The following FRAS1 variants were observed in gnomAD, a reference collection of about 807,000 sequenced individuals.
The protein encoded by FRAS1 is extracellular matrix organizing protein FRAS1.
A neutral mutation model predicts 435.2 loss-of-function variants in FRAS1; 290 were observed. The ratio of observed to expected loss-of-function variants is 0.67; its 90% CI spans 0.61 to 0.73. FRAS1 has a LOEUF of 0.73. Among genes scored for constraint, FRAS1 ranks in the 30% least tolerant of loss-of-function variants. The pLI is 0.00. For synonymous variants in FRAS1, 1,800 were observed against 1,851.0 expected (o/e 0.97, Z 0.71); for missense variants, 4,860 against 5,001.5 (o/e 0.97, Z 0.85).
At chr4:78,130,158 C>T (rs1004299335) in intron 2 of FRAS1, among the ~76,000 whole-genome samples, 11 of 150,144 alleles carry the variant, frequency 7.3e-5, no homozygotes, top group African/African-American at 2.7e-4. Context: ...ACTTCTGTGA[C>T]TGCATGTAAT....
chr4:78,262,871 A>T (rs1247481857), intron 6 of FRAS1, among the ~76,000 whole-genome samples: 4 of 149,156 alleles, frequency 2.7e-5, no homozygotes, highest in African/African-American at 9.9e-5. Context: ...AGAACCAGAT[A>T]ACAAACATTT....
chr4:78,537,043 A>T lies in FRAS1; in HGVS notation c.11141A>T (p.Asn3714Ile), dbSNP rs767460687. 3.1e-6 allele frequency: 5 copies of T among 1,613,876 alleles called. No homozygotes were observed. In the Admixed American group the frequency reaches 6.7e-5, roughly 22 times the overall value. Residue 3714 changes from asparagine (N) to isoleucine (I), a missense_variant, in exon 72 of 74, where the codon AAT becomes ATT. By Grantham distance (149) the Asn-to-Ile change is moderately radical. Transcript: ENST00000512123. ...RVLWNPEQNL[N>I]SAYKLQLEKV... is the part of the protein sequence containing the mutation. ...CTTTGGAATCCAGAACAAAATCTTA[A>T]TTCTGCTTACAAACTCCAGCTGGAG... is the stretch of plus-strand genomic sequence containing the variant.
At chr4:78,097,118 G>A (rs1208854210) in intron 2 of FRAS1, among the ~76,000 whole-genome samples, 3 of 152,120 alleles carry the variant, frequency 2.0e-5, no homozygotes, top group African/African-American at 7.2e-5. Flanking sequence ...CAAATCTCTA[G>A]GGCAAGGGCA....
intron 33 of FRAS1, among the ~76,000 whole-genome samples, chr4:78,421,306 C>T (rs1396437809): frequency 6.6e-6 from 1 of 152,044 alleles, no homozygotes; most frequent in African/African-American, 2.4e-5. Flanking sequence ...TGCCACCATA[C>T]CCGGCTAATT....
intron 2 of FRAS1, among the ~76,000 whole-genome samples, chr4:78,109,137 C>A (rs1166759119): frequency 7.2e-5 from 5 of 69,554 alleles, no homozygotes; most frequent in Admixed American, 1.7e-4. Context: ...AGTCCAGGAC[C>A]AGATGGATTC....
intron 2 of FRAS1, among the ~76,000 whole-genome samples, chr4:78,097,416 C>T (rs138835188): frequency 1.0e-3 from 159 of 152,306 alleles, no homozygotes; most frequent in African/African-American, 3.6e-3. Context: ...TCTACTGGTA[C>T]TCATTTACTG....
chr4:78,322,978 G>C (rs939301309), intron 18 of FRAS1, among the ~76,000 whole-genome samples: 4 of 152,214 alleles, frequency 2.6e-5, no homozygotes. Context: ...AAAACCCATG[G>C]ATGCTGGTCT....
chr4:78,497,570 C>T (rs1254316397), intron 60 of FRAS1, among the ~76,000 whole-genome samples: 1 of 152,018 alleles, frequency 6.6e-6, no homozygotes, highest in African/African-American at 2.4e-5. Context: ...ATACTGTATA[C>T]CAAGAACTAT....
At chr4:78,343,029 G>C (rs1730455535) in intron 20 of FRAS1, among the ~76,000 whole-genome samples, 1 of 152,022 alleles carries the variant, frequency 6.6e-6, no homozygotes, top group Non-Finnish European at 1.5e-5. Flanking sequence ...CTATTCCACA[G>C]AACTCAAATT....
At chr4:78,278,579 C>T in intron 9 of FRAS1, 76 bp from the exon 10 acceptor site, 1 of 825,984 alleles carries the variant, frequency 1.2e-6, no homozygotes, top group Non-Finnish European at 2.1e-6. Flanking sequence ...TCAGGGAACC[C>T]AACTGCTTCT....
chr4:78,202,579 T>A (rs1449198578), intron 2 of FRAS1, among the ~76,000 whole-genome samples: 1 of 152,138 alleles, frequency 6.6e-6, no homozygotes, highest in Non-Finnish European at 1.5e-5. Context: ...TAATCCCAGC[T>A]ACTCGGGAGG....
At chr4:78,530,526 C>A (rs1721678400) in intron 70 of FRAS1, among the ~76,000 whole-genome samples, 1 of 152,074 alleles carries the variant, frequency 6.6e-6, no homozygotes, top group Admixed American at 6.6e-5. Context: ...TTAATACAAG[C>A]AATGGGGAAA....
Position 78,475,474 on chromosome 4 carries a change from CACGGTGCAGAGG to C in FRAS1, c.7722_7733del (p.Val2575_Thr2578del). The C allele has an allele frequency of 6.2e-7, 1 of 1,613,942 alleles. No homozygotes were observed. The highest frequency in any genetic ancestry group is 8.5e-7 in the Non-Finnish European group (1 of 1,179,850). On this transcript the variant is annotated inframe_deletion, in exon 54 of 74. Transcript: ENST00000512123. ...GTGAGAAGGCAGGGTCTGTCAGTGTCACGGTGCAGAGGACTGGGAACCTGAACCAATATGCCA... is the reference window on the plus strand; with the variant it reads ...GTGAGAAGGCAGGGTCTGTCAGTGTCACTGGGAACCTGAACCAATATGCCA...
chr4:78,071,389 A>T (rs1286947298), intron 2 of FRAS1: 1 of 152,226 alleles, frequency 6.6e-6, no homozygotes, highest in African/African-American at 2.4e-5. Flanking sequence ...TACTCACATC[A>T]TTCAGGTGGT....
In FRAS1 at chr4:78,481,673, G is replaced by A. The variant is rs1184936436; in HGVS notation, c.8444-131G>A. The stretch of plus-strand genomic sequence containing the variant: ...TCAGATGGGCCATAGGAGCATCACT[G>A]AAGCTAGATTAGAAAAGCTCAAAGG... On this transcript the variant is annotated intron_variant, in intron 56 of 73. Coordinates refer to ENST00000512123, the MANE Select transcript of FRAS1 (RefSeq NM_025074.7). The A allele has an allele frequency of 1.3e-5, 12 of 948,714 alleles. No homozygotes were observed. The East Asian group carries it at 2.9e-4, about 23-fold the overall frequency. The allele number at this position is 948,714 out of a possible 1,614,324, so 58.8% of individuals were successfully genotyped here. A position where few individuals can be genotyped will look rare whatever the true frequency, so the allele number is the denominator to read the frequency against.
chr4:78,140,693 ATGTGTATATGCATATACGTG>A (rs748581952), intron 2 of FRAS1, among the ~76,000 whole-genome samples: 40,656 of 144,334 alleles, frequency 0.28, 7,175 homozygotes, highest in African/African-American at 0.46. Context: ...GCATATACAT[ATGTGTATATGCATATACGTG>A]TGTGTATATG....
chr4:78,117,476 A>G lies in FRAS1; in HGVS notation c.108+51460A>G, dbSNP rs1000359927. On this transcript the variant is annotated intron_variant, in intron 2 of 73. Coordinates refer to ENST00000512123, the MANE Select transcript of FRAS1 (RefSeq NM_025074.7). The stretch of plus-strand genomic sequence containing the variant: ...TGTCACTTTCAGATACACCAATCAG[A>G]CGTAGATTTGGTTTTTTCACATAGT... Among the ~76,000 whole-genome samples the G allele has an allele frequency of 1.4e-4, 22 of 152,126 alleles. 1 individual carries two copies. Among genetic ancestry groups the G allele is most frequent in the African/African-American group, 5.1e-4 (21 of 41,424 alleles).
intron 2 of FRAS1, among the ~76,000 whole-genome samples, chr4:78,112,598 T>C (rs1244839545): frequency 6.6e-6 from 1 of 152,156 alleles, no homozygotes; most frequent in Non-Finnish European, 1.5e-5. Flanking sequence ...ATTAGTACTA[T>C]GTAAGTAGTA....
chr4:78,519,246 TGAA>T, intron 66 of FRAS1, 82 bp from the exon 67 acceptor site: 1 of 1,252,132 alleles, frequency 8.0e-7, no homozygotes, highest in Non-Finnish European at 1.1e-6. Context: ...CATGGGTGAA[TGAA>T]AATGGAACCA....
Sources: gnomAD v4.1 joint callset for allele counts (sites outside exome capture counted in the v4.1 genomes callset) on GRCh38, gnomAD v4.1.1 for gene constraint, MANE v1.5 for transcripts, NCBI Gene and HGNC (gene_info 2026-07-23, HGNC 2026-07-21) for gene names.